The following SLC45A4 variants were observed in gnomAD, a reference collection of about 807,000 sequenced individuals.
The protein encoded by SLC45A4 is solute carrier family 45 member 4.
A neutral mutation model predicts 63.7 loss-of-function variants in SLC45A4; 32 were observed. That is an observed-to-expected ratio of 0.50 (90% CI 0.38 to 0.67). The LOEUF (loss-of-function observed/expected upper bound fraction) is 0.67. Among genes scored for constraint, SLC45A4 ranks in the 30% least tolerant of loss-of-function variants. The probability of loss-of-function intolerance (pLI) is 0.00; values close to 1 mark genes in which losing one functional copy is unlikely to be tolerated. For synonymous variants in SLC45A4, 535 were observed against 510.0 expected (o/e 1.05, Z -0.66); for missense variants, 1,027 against 1,157.7 (o/e 0.89, Z 1.64).
chr8:141,231,538 G>A (rs1480856881), intron 2 of SLC45A4, among the ~76,000 whole-genome samples: 1 of 152,246 alleles, frequency 6.6e-6, no homozygotes, highest in Admixed American at 6.5e-5. Context: ...GATGCCACGT[G>A]GGGGAGCACC....
rs900733548 is a variant in SLC45A4, at chr8:141,209,575, C to G, written c.*1997G>C. 2.0e-5 allele frequency: 3 copies of G among 152,302 alleles called. No individual in the cohort carries two copies. Among genetic ancestry groups the G allele is most frequent in the Non-Finnish European group, 4.4e-5 (3 of 68,102 alleles). 9.4% of individuals were successfully genotyped at this position (152,302 alleles called of 1,614,324 possible). ...TGGGCTCTGCACACTGACCTGCACA[C>G]TAAGAAGGGCTTTGCTTGCAAACAC... is the stretch of plus-strand genomic sequence containing the variant. On this transcript the variant is annotated 3_prime_UTR_variant, in exon 9 of 9. Coordinates refer to ENST00000517878, the MANE Select transcript of SLC45A4 (RefSeq NM_001286646.2).
rs1182049590 is a variant in SLC45A4, at chr8:141,219,722, G to A, written c.538C>T (p.Arg180Cys). The change falls in exon 4 of 9, where the codon CGT becomes TGT. Residue 180 changes from arginine (R) to cysteine (C), a missense_variant. By Grantham distance (180) the Arg-to-Cys change is radical. Coordinates refer to ENST00000517878, the MANE Select transcript of SLC45A4 (RefSeq NM_001286646.2). ...TCCACCACGTCCAGCAGATAGGCAC[G>A]GATGGGCCCCTCGGTGGCATCGGCG... is the stretch of plus-strand genomic sequence containing the variant. ...FSADATEGPI[R>C]AYLLDVVDSE... 4.3e-6 allele frequency: 7 copies of A among 1,610,174 alleles called. No individual in the cohort carries two copies. The highest frequency in any genetic ancestry group is 2.2e-5 in the East Asian group (1 of 44,642).
intron 1 of SLC45A4, among the ~76,000 whole-genome samples, chr8:141,259,902 C>T (rs1302749667): frequency 6.6e-6 from 1 of 152,208 alleles, no homozygotes; most frequent in Non-Finnish European, 1.5e-5. Flanking sequence ...TAAGGCTGAT[C>T]AGCTGATAGT....
intron 2 of SLC45A4, among the ~76,000 whole-genome samples, chr8:141,243,316 C>T (rs986590693): frequency 4.6e-5 from 7 of 152,142 alleles, no homozygotes; most frequent in Non-Finnish European, 1.0e-4. Flanking sequence ...TGCCCCCCGC[C>T]GCAGCAAGCA....
intron 1 of SLC45A4, among the ~76,000 whole-genome samples, chr8:141,288,844 C>T (rs1029280141): frequency 2.6e-5 from 4 of 152,242 alleles, no homozygotes; most frequent in East Asian, 1.9e-4. Context: ...CACAAGTCCC[C>T]GTGCAGCCAC....
intron 2 of SLC45A4, among the ~76,000 whole-genome samples, chr8:141,246,823 TAGA>T (rs1828228788): frequency 2.0e-5 from 3 of 152,048 alleles, no homozygotes; most frequent in Admixed American, 6.5e-5. Flanking sequence ...CTTAAGAAAC[TAGA>T]AGAAGTAGCC....
At chr8:141,298,852 T>C (rs1320002958) in intron 1 of SLC45A4, among the ~76,000 whole-genome samples, 2 of 151,524 alleles carry the variant, frequency 1.3e-5, no homozygotes, top group African/African-American at 4.9e-5. Context: ...ATCCAAGGCA[T>C]GGAGGGCACT....
intron 1 of SLC45A4, among the ~76,000 whole-genome samples, chr8:141,293,950 A>C (rs560288180): frequency 0.043 from 6,485 of 152,016 alleles, 193 homozygotes; most frequent in Middle Eastern, 0.085. Context: ...AAAAAAAGTA[A>C]ATGTAAAAAA....
At chr8:141,292,143 C>T (rs1297238167) in intron 1 of SLC45A4, among the ~76,000 whole-genome samples, 1 of 152,260 alleles carries the variant, frequency 6.6e-6, no homozygotes, top group African/African-American at 2.4e-5. Context: ...TGCCTCGAAG[C>T]TGCACACGGC....
At chr8:141,230,479 T>C (rs545423133) in intron 2 of SLC45A4, 1 of 193,146 alleles carries the variant, frequency 5.2e-6, no homozygotes, top group Admixed American at 5.8e-5. Flanking sequence ...CGGAGAGGGG[T>C]CCTGAGACAG....
chr8:141,230,781 T>C (rs1035089716), intron 2 of SLC45A4, among the ~76,000 whole-genome samples: 1 of 152,172 alleles, frequency 6.6e-6, no homozygotes, highest in African/African-American at 2.4e-5. Flanking sequence ...TCTGAAGAAA[T>C]GAAAAGAAGA....
chr8:141,244,970 C>CGGGGGGGGGGG (rs1569558621), intron 2 of SLC45A4, among the ~76,000 whole-genome samples: 1 of 27,548 alleles, frequency 3.6e-5, no homozygotes, highest in African/African-American at 2.2e-4. Context: ...GGGGGGGGGG[C>CGGGGGGGGGGG]GGTGTGGAGG....
intron 2 of SLC45A4, among the ~76,000 whole-genome samples, chr8:141,222,465 C>T (rs956429381): frequency 1.3e-4 from 19 of 151,664 alleles, no homozygotes; most frequent in Admixed American, 7.2e-4. Context: ...AAATATGGTG[C>T]CTATTGCAGA....
intron 1 of SLC45A4, among the ~76,000 whole-genome samples, chr8:141,275,085 G>C (rs1027337130): frequency 6.6e-6 from 1 of 152,218 alleles, no homozygotes; most frequent in Non-Finnish European, 1.5e-5. Context: ...CAACCACATC[G>C]GTTCGACTGA....
intron 1 of SLC45A4, among the ~76,000 whole-genome samples, chr8:141,292,295 G>C (rs925011925): frequency 2.0e-5 from 3 of 152,226 alleles, no homozygotes; most frequent in African/African-American, 7.2e-5. Flanking sequence ...AGGCCACGTG[G>C]CACACTGGGC....
chr8:141,257,509 T>C (rs976455931), intron 1 of SLC45A4, among the ~76,000 whole-genome samples: 1 of 152,256 alleles, frequency 6.6e-6, no homozygotes, highest in Non-Finnish European at 1.5e-5. Context: ...TCATGCCTGC[T>C]CAATCGGCTC....
rs1554598310 is a variant in SLC45A4 at position 141,263,782 on chromosome 8, AAT to A, written c.-400-9155_-400-9154del. On this transcript the variant is annotated intron_variant, in intron 1 of 8. Coordinates refer to ENST00000517878, the MANE Select transcript of SLC45A4 (RefSeq NM_001286646.2). ...AAGACTCCGTCTCAAAAAAAAAAAA[AAT>A]AAAAATAATAATAAAAACAAAAAGA... Among the ~76,000 whole-genome samples, 132 of 125,654 alleles carry A rather than the reference AAT, an allele frequency of 1.1e-3. 1 individual carries two copies. The highest frequency in any genetic ancestry group is 4.0e-3 in the Middle Eastern group (1 of 250). The allele number at this position is 125,654 out of a possible 152,430, so 82.4% of individuals were successfully genotyped here. A position where few individuals can be genotyped will look rare whatever the true frequency, so the allele number is the denominator to read the frequency against.
chr8:141,230,575 G>C (rs1191390468), intron 2 of SLC45A4, among the ~76,000 whole-genome samples: 1 of 152,244 alleles, frequency 6.6e-6, no homozygotes, highest in Non-Finnish European at 1.5e-5. Context: ...TAGGGCCCTG[G>C]TGGCTGGGGG....
At chr8:141,237,029 C>T (rs1377534847) in intron 2 of SLC45A4, among the ~76,000 whole-genome samples, 2 of 152,008 alleles carry the variant, frequency 1.3e-5, no homozygotes, top group African/African-American at 4.8e-5. Context: ...CATTTTTCGG[C>T]AGAAATAATT....
Sources: allele counts gnomAD v4.1 joint callset (sites outside exome capture counted in the v4.1 genomes callset), GRCh38; gene constraint gnomAD v4.1.1; transcripts MANE v1.5; gene names NCBI Gene and HGNC (gene_info 2026-07-23, HGNC 2026-07-21).